Variants in ROPN1L observed in about 807,000 individuals in gnomAD.
ROPN1L encodes the protein rhophilin associated tail protein 1 like.
ROPN1L carries 23 observed loss-of-function variants against 22.7 expected under a neutral mutation model. That is an observed-to-expected ratio of 1.01 (90% CI 0.73 to 1.43). The LOEUF is 1.43. Ranked by LOEUF, ROPN1L falls within the 40% of genes most tolerant of loss-of-function variation. The probability of loss-of-function intolerance (pLI) is 0.00; values close to 1 mark genes in which losing one functional copy is unlikely to be tolerated. For missense variants in ROPN1L, 271 were observed against 291.5 expected (o/e 0.93, Z 0.51); for synonymous variants, 116 against 117.8 (o/e 0.98, Z 0.10).
rs1252770395 is a variant in ROPN1L at position 10,442,174 on chromosome 5, C to T, written c.7C>T (p.Leu3Phe). ...GTCCCTTCTGCGGAGAGCGATGCCG[C>T]TTCCCGACACCATGTTCTGCGCTCA... MP[L>F]PDTMFCAQQI... The change falls in exon 1 of 5, where the codon CTT becomes TTT. Residue 3 changes from leucine to phenylalanine, a missense_variant. By Grantham distance (22) the Leu-to-Phe change is conservative. Transcript: ENST00000274134. The T allele has an allele frequency of 6.2e-7, 1 of 1,613,518 alleles. No homozygotes were observed. The highest frequency in any genetic ancestry group is 1.7e-5 in the Admixed American group (1 of 60,030).
At chr5:10,463,548 G>A (rs567154190) in intron 4 of ROPN1L, among the ~76,000 whole-genome samples, 6 of 152,184 alleles carry the variant, frequency 3.9e-5, no homozygotes, top group African/African-American at 1.4e-4. Context: ...GGGAGATGGG[G>A]TCCCTGAGGT....
At position 10,461,578 on chromosome 5, in the gene ROPN1L, G is replaced by A. The variant is rs944356298; in HGVS notation, c.593+219G>A. ...GACACCAGCTGTGCATTCTCATTCC[G>A]TCTCTACCCTGTCTACCTGGAGATA... On this transcript the variant is annotated intron_variant, in intron 4 of 4. Coordinates refer to ENST00000274134, the MANE Select transcript of ROPN1L (RefSeq NM_031916.5). 6.1e-5 allele frequency: 30 copies of A among 490,926 alleles called. No individual in the cohort carries two copies. The Admixed American group carries it at 9.0e-4, about 15-fold the overall frequency. The allele number at this position is 490,926 out of a possible 1,614,324, so 30.4% of individuals were successfully genotyped here.
At chr5:10,477,337 G>A in the ROPN1L span, among the ~76,000 whole-genome samples, 12 of 152,186 alleles carry the variant, frequency 7.9e-5, no homozygotes, top group South Asian at 6.2e-4. Context: ...CCTGGTCCAC[G>A]GACTTGCTAG....
At chr5:10,467,574 G>C (rs1356109344), downstream of ROPN1L, among the ~76,000 whole-genome samples, 1 of 152,212 alleles carries the variant, frequency 6.6e-6, no homozygotes, top group Non-Finnish European at 1.5e-5. Context: ...GTTGCAGACA[G>C]GGAATCGTCA....
intron 4 of ROPN1L, among the ~76,000 whole-genome samples, chr5:10,462,065 T>A (rs1735042290): frequency 6.6e-6 from 1 of 152,202 alleles, no homozygotes; most frequent in Non-Finnish European, 1.5e-5. Context: ...TGGCCAATAG[T>A]GATCACCTAA....
intron 1 of ROPN1L, among the ~76,000 whole-genome samples, chr5:10,444,005 C>A (rs1297903042): frequency 6.6e-6 from 1 of 152,156 alleles, no homozygotes; most frequent in African/African-American, 2.4e-5. Context: ...GGAACATGGA[C>A]CTGGATACCT....
downstream of ROPN1L, among the ~76,000 whole-genome samples, chr5:10,474,358 C>T (rs1390610016): frequency 1.3e-5 from 2 of 152,112 alleles, no homozygotes; most frequent in African/African-American, 2.4e-5. Flanking sequence ...CAATTACCCC[C>T]TCGATTGTGG....
chr5:10,461,391 T>C (rs750470110), intron 4 of ROPN1L, 32 bp downstream of exon 4: 56 of 1,580,958 alleles, frequency 3.5e-5, no homozygotes, highest in Non-Finnish European at 4.4e-5. Flanking sequence ...GATTCAGGTA[T>C]GTTGACCATG....
chr5:10,470,972 T>G (rs776203318), intron 4 of ROPN1L, among the ~76,000 whole-genome samples: 4 of 152,156 alleles, frequency 2.6e-5, no homozygotes, highest in Non-Finnish European at 5.9e-5. Context: ...GAGGCACACT[T>G]CCTTGTCCAA....
chr5:10,447,129 G>A (rs1211608274), intron 1 of ROPN1L, among the ~76,000 whole-genome samples: 1 of 152,156 alleles, frequency 6.6e-6, no homozygotes, highest in East Asian at 1.9e-4. Context: ...TGTTATCTGT[G>A]GCCCTGGTGG....
chr5:10,477,230 C>T, the ROPN1L span, among the ~76,000 whole-genome samples: 1 of 152,222 alleles, frequency 6.6e-6, no homozygotes, highest in Non-Finnish European at 1.5e-5. Flanking sequence ...GACCCCGGGT[C>T]TATGCAGTTA....
chr5:10,480,753 C>T, the ROPN1L span, among the ~76,000 whole-genome samples: 4 of 152,154 alleles, frequency 2.6e-5, no homozygotes, highest in African/African-American at 9.7e-5. Context: ...ATCAGATTTC[C>T]AGGCAGCTCG....
intron 1 of ROPN1L, 116 bp downstream of exon 1, chr5:10,442,414 C>G: frequency 7.6e-7 from 1 of 1,320,654 alleles, no homozygotes; most frequent in Non-Finnish European, 1.0e-6. Flanking sequence ...TTAAGAGTAT[C>G]AGGCAAAACT....
At chr5:10,472,930 C>T (rs1221318478), downstream of ROPN1L, among the ~76,000 whole-genome samples, 1 of 152,148 alleles carries the variant, frequency 6.6e-6, no homozygotes, top group Non-Finnish European at 1.5e-5. Context: ...CAGCATGGAG[C>T]CTGTCTACAC....
At chr5:10,443,582 A>G (rs1740954378) in intron 1 of ROPN1L, among the ~76,000 whole-genome samples, 1 of 151,534 alleles carries the variant, frequency 6.6e-6, no homozygotes, top group East Asian at 1.9e-4. Flanking sequence ...AGATTGCGCC[A>G]CTGCAGTCCG....
At chr5:10,451,537 A>G (rs569176116) in intron 3 of ROPN1L, among the ~76,000 whole-genome samples, 67 of 152,378 alleles carry the variant, frequency 4.4e-4, no homozygotes, top group South Asian at 1.7e-3. Flanking sequence ...CCTAAATTAT[A>G]TGACTAGATG....
chr5:10,462,541 G>T (rs1397696877), intron 4 of ROPN1L, among the ~76,000 whole-genome samples: 1 of 152,186 alleles, frequency 6.6e-6, no homozygotes, highest in African/African-American at 2.4e-5. Context: ...ATTTATCCCA[G>T]ATCTATCCTG....
chr5:10,458,630 C>T (rs1215896942), intron 3 of ROPN1L, among the ~76,000 whole-genome samples: 1 of 75,562 alleles, frequency 1.3e-5, no homozygotes, highest in Non-Finnish European at 2.7e-5. Flanking sequence ...CATCATCCCC[C>T]CATGTACACC....
At chr5:10,465,980 G>A (rs1273311269), downstream of ROPN1L, among the ~76,000 whole-genome samples, 4 of 152,202 alleles carry the variant, frequency 2.6e-5, no homozygotes, top group Admixed American at 6.5e-5. Context: ...TATGAAAGGT[G>A]GACCCCAGGG....
Sources: gnomAD v4.1 joint callset for allele counts (sites outside exome capture counted in the v4.1 genomes callset) on GRCh38, gnomAD v4.1.1 for gene constraint, MANE v1.5 for transcripts, NCBI Gene and HGNC (gene_info 2026-07-23, HGNC 2026-07-21) for gene names.